NEGR1: variants seen among roughly 807,000 people sequenced by gnomAD.
NEGR1 encodes the protein neuronal growth regulator 1.
A neutral mutation model predicts 40.9 loss-of-function variants in NEGR1; 10 were observed. That is an observed-to-expected ratio of 0.24 (90% CI 0.15 to 0.42). The LOEUF is 0.42. Ranked by LOEUF, NEGR1 falls within the 10% of genes least tolerant of loss-of-function variation. The probability of loss-of-function intolerance (pLI) is 1.00; values close to 1 mark genes in which losing one functional copy is unlikely to be tolerated. For synonymous variants in NEGR1, 185 were observed against 166.8 expected (o/e 1.11, Z -0.84); for missense variants, 352 against 438.9 (o/e 0.80, Z 1.77).
chr1:71,440,147 A>G (rs570633374), intron 6 of NEGR1, among the ~76,000 whole-genome samples: 1 of 152,324 alleles, frequency 6.6e-6, no homozygotes, highest in East Asian at 1.9e-4. Context: ...TTCCAAATGA[A>G]TAAAAGAATA....
At chr1:71,588,453 T>C (rs540714257) in intron 6 of NEGR1, among the ~76,000 whole-genome samples, 4 of 152,256 alleles carry the variant, frequency 2.6e-5, no homozygotes, top group Admixed American at 1.3e-4. Flanking sequence ...TTTTACAACA[T>C]AGAAATCTTT....
intron 1 of NEGR1, among the ~76,000 whole-genome samples, chr1:72,281,066 G>A (rs1656224172): frequency 6.6e-6 from 1 of 152,186 alleles, no homozygotes; most frequent in African/African-American, 2.4e-5. Context: ...CTCCCACTCT[G>A]CAGTGTTGCT....
chr1:71,511,220 A>T lies in NEGR1; in HGVS notation c.940+81597T>A, dbSNP rs536701826. On this transcript the variant is annotated intron_variant, in intron 6 of 6. Transcript: ENST00000357731. ...TGGATGTTCACTAGTAAGAAAGGAA[A>T]GGCAGTATTCCTTGCTGAAGTAAGT... 4.6e-5 allele frequency among the ~76,000 whole-genome samples: 7 copies of T among 152,346 alleles called. No individual in the cohort carries two copies. The South Asian group carries it at 1.5e-3, about 32-fold the overall frequency.
At chr1:71,568,310 T>C (rs1049271843) in intron 6 of NEGR1, among the ~76,000 whole-genome samples, 1 of 152,184 alleles carries the variant, frequency 6.6e-6, no homozygotes, top group African/African-American at 2.4e-5. Flanking sequence ...TGATGAACTC[T>C]AGTGAAGAAT....
At position 72,110,221 on chromosome 1, in the gene NEGR1, TAAAA is replaced by T. The variant is rs57618301; in HGVS notation, c.176+172094_176+172097del. Among the ~76,000 whole-genome samples, 685 of 106,966 alleles carry T rather than the reference TAAAA, an allele frequency of 6.4e-3. 4 individuals carry two copies. Among genetic ancestry groups the T allele is most frequent in the African/African-American group, 0.022 (661 of 30,178 alleles). The allele number at this position is 106,966 out of a possible 152,430, so 70.2% of individuals were successfully genotyped here. A position where few individuals can be genotyped will look rare whatever the true frequency, so the allele number is the denominator to read the frequency against. The stretch of plus-strand genomic sequence containing the variant: ...ATGTACCCTAAAACTTAGAGTATAA[TAAAA>T]AAAAAAAAAAAAAAAAAGAATTGTG... On this transcript the variant is annotated intron_variant, in intron 1 of 6. Coordinates refer to ENST00000357731, the MANE Select transcript of NEGR1 (RefSeq NM_173808.3).
rs1017915147 is a variant in NEGR1, at chr1:71,701,599, C to T, written c.536-3460G>A. Among the ~76,000 whole-genome samples the T allele has an allele frequency of 5.3e-5, 8 of 152,028 alleles. No individual in the cohort carries two copies. In the East Asian group the frequency reaches 7.7e-4, roughly 15 times the overall value. ...CATCTCTAGCTCCTAACCTTAATCA[C>T]ATCTGCAAAGTGTCTTTTACCATGT... On this transcript the variant is annotated intron_variant, in intron 3 of 6. Coordinates refer to ENST00000357731, the MANE Select transcript of NEGR1 (RefSeq NM_173808.3).
At chr1:71,814,348 T>C (rs1658121065) in intron 2 of NEGR1, among the ~76,000 whole-genome samples, 1 of 152,162 alleles carries the variant, frequency 6.6e-6, no homozygotes, top group Non-Finnish European at 1.5e-5. Flanking sequence ...TCAATGTTCA[T>C]CAGGGATATT....
chr1:71,466,668 A>G (rs1646748131), intron 6 of NEGR1, among the ~76,000 whole-genome samples: 1 of 152,098 alleles, frequency 6.6e-6, no homozygotes, highest in South Asian at 2.1e-4. Flanking sequence ...AAGCAGAGAG[A>G]GTGTGAAGCA....
intron 1 of NEGR1, among the ~76,000 whole-genome samples, chr1:72,149,991 G>T (rs1651062151): frequency 1.3e-5 from 2 of 150,312 alleles, no homozygotes; most frequent in Non-Finnish European, 3.0e-5. Flanking sequence ...TTTATAACTT[G>T]AATATCAGAC....
At chr1:72,084,214 G>C (rs1032612816) in intron 1 of NEGR1, among the ~76,000 whole-genome samples, 2 of 152,024 alleles carry the variant, frequency 1.3e-5, no homozygotes, top group African/African-American at 4.8e-5. Flanking sequence ...TTCAGCTATG[G>C]GGTGTGGAAG....
chr1:71,449,529 ACAT>A (rs1211065597), intron 6 of NEGR1, among the ~76,000 whole-genome samples: 2 of 152,244 alleles, frequency 1.3e-5, no homozygotes, highest in African/African-American at 4.8e-5. Flanking sequence ...GTGAACAATT[ACAT>A]AATGGCAGAT....
chr1:72,213,536 A>C (rs1176071623), intron 1 of NEGR1, among the ~76,000 whole-genome samples: 1 of 151,984 alleles, frequency 6.6e-6, no homozygotes, highest in Non-Finnish European at 1.5e-5. Flanking sequence ...CGACCTGTTA[A>C]ATAAACTTTC....
At chr1:71,843,644 A>T (rs1659314746) in intron 2 of NEGR1, among the ~76,000 whole-genome samples, 1 of 152,178 alleles carries the variant, frequency 6.6e-6, no homozygotes, top group Non-Finnish European at 1.5e-5. Context: ...GTAGTAAAAC[A>T]TTCGTAATAG....
chr1:71,764,146 G>A (rs72946013), intron 3 of NEGR1, among the ~76,000 whole-genome samples: 11,102 of 152,094 alleles, frequency 0.073, 505 homozygotes, highest in East Asian at 0.14. Context: ...AATTTTTCCC[G>A]GGAAGTTTTG....
At chr1:71,809,954 AGACAAATG>A (rs773071425) in intron 2 of NEGR1, among the ~76,000 whole-genome samples, 104 of 152,322 alleles carry the variant, frequency 6.8e-4, no homozygotes, top group Non-Finnish European at 1.3e-3. Flanking sequence ...AAACCATCTC[AGACAAATG>A]GTAATTGTCT....
intron 1 of NEGR1, among the ~76,000 whole-genome samples, chr1:72,149,900 AAG>A (rs1279526516): frequency 1.5e-3 from 211 of 144,754 alleles, no homozygotes; most frequent in Middle Eastern, 3.5e-3. Context: ...AAAAAAAAAA[AAG>A]AAAGAAAGAA....
chr1:71,857,483 C>T (rs1050430177), intron 2 of NEGR1, among the ~76,000 whole-genome samples: 32 of 143,922 alleles, frequency 2.2e-4, no homozygotes, highest in Non-Finnish European at 3.6e-4. Context: ...AAAAAATTAG[C>T]TGGGCTTGGT....
intron 1 of NEGR1, among the ~76,000 whole-genome samples, chr1:71,981,185 G>C (rs1029560858): frequency 6.6e-6 from 1 of 152,102 alleles, no homozygotes; most frequent in Non-Finnish European, 1.5e-5. Flanking sequence ...ATAATTCTAC[G>C]TAGACATTGA....
intron 1 of NEGR1, among the ~76,000 whole-genome samples, chr1:71,972,162 TAGC>T (rs1199423033): frequency 6.6e-6 from 1 of 152,196 alleles, no homozygotes; most frequent in African/African-American, 2.4e-5. Flanking sequence ...GAGTGCCAAA[TAGC>T]AGTGCAGGCA....
Sources: allele counts gnomAD v4.1 joint callset (sites outside exome capture counted in the v4.1 genomes callset), GRCh38; gene constraint gnomAD v4.1.1; transcripts MANE v1.5; gene names NCBI Gene and HGNC (gene_info 2026-07-23, HGNC 2026-07-21).